SH3PXD2B: variants seen among roughly 807,000 people sequenced by gnomAD.
SH3PXD2B encodes the protein SH3 and PX domains 2B, also known as SH3 and PX domain-containing protein 2B.
In SH3PXD2B, 37 loss-of-function variants were observed where a neutral mutation model predicts 73.1. That is an observed-to-expected ratio of 0.51 (90% CI 0.39 to 0.67). SH3PXD2B has a LOEUF of 0.67. Among genes scored for constraint, SH3PXD2B ranks in the 30% least tolerant of loss-of-function variants. SH3PXD2B has a pLI of 0.00. For synonymous variants in SH3PXD2B, 457 were observed against 480.5 expected, an observed-to-expected ratio of 0.95 and a Z score of 0.64; for missense variants, 1,053 against 1,197.8, an observed-to-expected ratio of 0.88 and a Z score of 1.78.
chr5:172,406,365 C>T lies in SH3PXD2B; in HGVS notation c.157-13G>A, dbSNP rs771284648. ...CCAACATCTGCATCTAAGTGGGGGG[C>T]GAATACCAAAAACAAAAACCTTTCA... On this transcript the variant is annotated splice_polypyrimidine_tract_variant and intron_variant, in intron 2 of 12. Transcript: ENST00000311601. 3.7e-6 allele frequency: 6 copies of T among 1,613,488 alleles called. No individual in the cohort carries two copies. The African/African-American group carries it at 5.3e-5, about 14-fold the overall frequency.
In SH3PXD2B at chr5:172,345,100, G is replaced by GGAAGGA. The variant is rs60763342; in HGVS notation, c.1188+1035_1188+1036insTCCTTC. ...AAGGAGGGAGGGAAGGAAAGAAGGAGGGAAGGAAGAAGGGAAGGAAGGAGG... is the reference window on the plus strand; with the variant it reads ...AAGGAGGGAGGGAAGGAAAGAAGGAGGAAGGAGGAAGGAAGAAGGGAAGGAAGGAGG... On this transcript the variant is annotated intron_variant, in intron 12 of 12. Coordinates refer to ENST00000311601, the MANE Select transcript of SH3PXD2B (RefSeq NM_001017995.3). Among the ~76,000 whole-genome samples, 631 of 147,394 alleles carry GGAAGGA rather than the reference G, an allele frequency of 4.3e-3. 21 individuals are homozygous for GGAAGGA. Among genetic ancestry groups the GGAAGGA allele is most frequent in the African/African-American group, 0.016 (592 of 37,936 alleles).
chr5:172,378,130 C>G lies in SH3PXD2B; in HGVS notation c.401+3906G>C, dbSNP rs1003313968. Among the ~76,000 whole-genome samples, 3 of 152,190 alleles carry G rather than the reference C, an allele frequency of 2.0e-5. No individual in the cohort carries two copies. The East Asian group carries it at 5.8e-4, about 29-fold the overall frequency. On this transcript the variant is annotated intron_variant, in intron 5 of 12. Transcript: ENST00000311601. The stretch of plus-strand genomic sequence containing the variant: ...CCTCCTCTCGAGGGCTGGCTCACAC[C>G]CTTTGTCCCCGAGTGTCCTTCCTTC...
In SH3PXD2B at chr5:172,336,359, T is replaced by C. The variant is rs933112109; in HGVS notation, c.*2010A>G. On this transcript the variant is annotated 3_prime_UTR_variant, in exon 13 of 13. Coordinates refer to ENST00000311601, the MANE Select transcript of SH3PXD2B (RefSeq NM_001017995.3). ...TGGCGGCCCTTCCCCACCTCCCTTC[T>C]TCCCCTGGCTGCCATCTGCCCCCAA... 98 of 985,650 alleles carry C rather than the reference T, an allele frequency of 9.9e-5. No homozygotes were observed. The highest frequency in any genetic ancestry group is 1.1e-4 in the Non-Finnish European group (94 of 830,004). 61.1% of individuals were successfully genotyped at this position (985,650 alleles called of 1,614,324 possible). A position where few individuals can be genotyped will look rare whatever the true frequency, so the allele number is the denominator to read the frequency against.
chr5:172,340,033 G>T, intron 12 of SH3PXD2B, 117 bp from the exon 13 acceptor site: 1 of 1,545,656 alleles, frequency 6.5e-7, no homozygotes, highest in Non-Finnish European at 8.8e-7. Flanking sequence ...GTACTCAGCA[G>T]CTCCTCTGAC....
chr5:172,413,184 C>T (rs1156967583), intron 2 of SH3PXD2B, among the ~76,000 whole-genome samples: 1 of 152,234 alleles, frequency 6.6e-6, no homozygotes, highest in East Asian at 1.9e-4. Flanking sequence ...TGCGCAGCTG[C>T]AGGCTGGCAG....
chr5:172,388,270 C>T (rs1200236820), intron 4 of SH3PXD2B, among the ~76,000 whole-genome samples: 1 of 152,166 alleles, frequency 6.6e-6, no homozygotes, highest in South Asian at 2.1e-4. Context: ...CTATTAGAGA[C>T]CTTCATTTTC....
chr5:172,350,829 T>C (rs964874846), intron 9 of SH3PXD2B, among the ~76,000 whole-genome samples: 3 of 152,208 alleles, frequency 2.0e-5, no homozygotes, highest in East Asian at 3.9e-4. Flanking sequence ...GCACCCACCA[T>C]GTCCCACCCA....
At chr5:172,374,251 C>G (rs1487189175) in intron 5 of SH3PXD2B, among the ~76,000 whole-genome samples, 1 of 152,192 alleles carries the variant, frequency 6.6e-6, no homozygotes, top group African/African-American at 2.4e-5. Flanking sequence ...CACATTAAAA[C>G]TGGGCAGAAG....
At position 172,334,623 on chromosome 5, in the gene SH3PXD2B, T is replaced by C. The variant is rs1756644259; in HGVS notation, c.*3746A>G. ...GCAGCTTAAGCCAACATGTAAGACT[T>C]GGGCACGATGAAAGGACGGGGGTCC... On this transcript the variant is annotated 3_prime_UTR_variant, in exon 13 of 13. Transcript: ENST00000311601. The C allele has an allele frequency of 6.1e-6, 6 of 985,356 alleles. No homozygotes were observed. In the South Asian group the frequency reaches 2.8e-4, roughly 46 times the overall value. The allele number at this position is 985,356 out of a possible 1,614,324, so 61.0% of individuals were successfully genotyped here.
chr5:172,454,180 G>C (rs1759873365), intron 1 of SH3PXD2B, 98 bp downstream of exon 1: 1 of 1,004,884 alleles, frequency 1.0e-6, no homozygotes, highest in African/African-American at 1.7e-5. Context: ...AGGAGGGGAC[G>C]GGAAGCGCTG....
intron 1 of SH3PXD2B, among the ~76,000 whole-genome samples, chr5:172,448,886 A>G (rs942144853): frequency 3.3e-5 from 5 of 152,058 alleles, no homozygotes; most frequent in Non-Finnish European, 7.4e-5. Flanking sequence ...TGCCAGGGAT[A>G]GGAGGAGAGG....
downstream of SH3PXD2B, among the ~76,000 whole-genome samples, chr5:172,328,947 G>A (rs1756495537): frequency 6.6e-6 from 1 of 151,036 alleles, no homozygotes; most frequent in Admixed American, 6.6e-5. Flanking sequence ...TAACAATATT[G>A]TACATGACAT....
At chr5:172,407,674 A>G (rs2113432706) in intron 2 of SH3PXD2B, among the ~76,000 whole-genome samples, 1 of 152,224 alleles carries the variant, frequency 6.6e-6, no homozygotes, top group East Asian at 1.9e-4. Flanking sequence ...TGTCCCTCTC[A>G]TGGAATAAAA....
rs1431428797 is a variant in SH3PXD2B, at chr5:172,413,592, G to A, written c.157-7240C>T. ...TGAGAAAAAGTGGTTAACTGGTTTG[G>A]TCAGCCACTCTCTGGGAAAGGAAAA... On this transcript the variant is annotated intron_variant, in intron 2 of 12. Coordinates refer to ENST00000311601, the MANE Select transcript of SH3PXD2B (RefSeq NM_001017995.3). Among the ~76,000 whole-genome samples the A allele has an allele frequency of 2.0e-5, 3 of 152,324 alleles. No individual in the cohort carries two copies. The East Asian group carries it at 5.8e-4, about 29-fold the overall frequency.
rs535629254 is a variant in SH3PXD2B, at chr5:172,423,549, G to A, written c.76-1053C>T. Among the ~76,000 whole-genome samples, 172 of 142,980 alleles carry A rather than the reference G, an allele frequency of 1.2e-3. 1 individual carries two copies. Among genetic ancestry groups the A allele is most frequent in the Non-Finnish European group, 2.1e-3 (139 of 65,802 alleles). The allele number at this position is 142,980 out of a possible 152,430, so 93.8% of individuals were successfully genotyped here. A position where few individuals can be genotyped will look rare whatever the true frequency, so the allele number is the denominator to read the frequency against. On this transcript the variant is annotated intron_variant, in intron 1 of 12. Coordinates refer to ENST00000311601, the MANE Select transcript of SH3PXD2B (RefSeq NM_001017995.3). ...TCACCCACTTGGATACGGGGTTGGGGGGGGGGGCGCACATTCTCTGTTCAT... is the reference window on the plus strand; with the variant it reads ...TCACCCACTTGGATACGGGGTTGGGAGGGGGGGCGCACATTCTCTGTTCAT...
intron 2 of SH3PXD2B, among the ~76,000 whole-genome samples, chr5:172,409,804 C>T (rs1758649895): frequency 6.6e-6 from 1 of 152,236 alleles, no homozygotes; most frequent in Non-Finnish European, 1.5e-5. Context: ...CAGCCTCCGC[C>T]TCCTGGGTTC....
At position 172,338,783 on chromosome 5, in the gene SH3PXD2B, C is replaced by T. The variant is rs571859510; in HGVS notation, c.2322G>A (p.Pro774=). 182 of 1,614,140 alleles carry T rather than the reference C, an allele frequency of 1.1e-4. 1 individual carries two copies. In the South Asian group the frequency reaches 1.7e-3, roughly 15 times the overall value. ...ACTGTGGACCTCTGACCTCTGGGAG[C>T]GGCCTGGATGACGAAGAGGTTTTCT... ...PPKKTSSSSR[P]LPEVRGPQCE... is the part of the protein sequence containing the mutation. Residue 774 remains proline, a synonymous_variant, in exon 13 of 13, where the codon CCG becomes CCA. Coordinates refer to ENST00000311601, the MANE Select transcript of SH3PXD2B (RefSeq NM_001017995.3). The surrounding 1 kb of genome is among the most constrained non-coding windows in gnomAD (Gnocchi z 5.1).
intron 5 of SH3PXD2B, among the ~76,000 whole-genome samples, chr5:172,375,918 T>G (rs1443469970): frequency 6.6e-6 from 1 of 152,198 alleles, no homozygotes; most frequent in Non-Finnish European, 1.5e-5. Context: ...TTTAACTTCT[T>G]GAGGAAGTGC....
rs867093927 is a variant in SH3PXD2B, at chr5:172,354,123, C to G, written c.668-118G>C. ...GATTTCCTTCAGAGATTTCTGGGCA[C>G]CCCCCCTGGCCCTGACCTAGCCCTG... On this transcript the variant is annotated intron_variant, in intron 8 of 12. Coordinates refer to ENST00000311601, the MANE Select transcript of SH3PXD2B (RefSeq NM_001017995.3). 17 of 918,832 alleles carry G rather than the reference C, an allele frequency of 1.9e-5. No individual in the cohort carries two copies. In the Middle Eastern group the frequency reaches 8.2e-4, roughly 44 times the overall value. The allele number at this position is 918,832 out of a possible 1,614,324, so 56.9% of individuals were successfully genotyped here.
Sources: allele counts gnomAD v4.1 joint callset (sites outside exome capture counted in the v4.1 genomes callset), GRCh38; gene constraint gnomAD v4.1.1; non-coding constraint Gnocchi (gnomAD v3.1); transcripts MANE v1.5; gene names NCBI Gene and HGNC (gene_info 2026-07-23, HGNC 2026-07-21).